TTLL10: variants seen among roughly 807,000 people sequenced by gnomAD.
TTLL10 encodes the protein tubulin tyrosine ligase like 10.
In TTLL10, 61 loss-of-function variants were observed where a neutral mutation model predicts 69.0. The ratio of observed to expected loss-of-function variants is 0.88; its 90% CI spans 0.72 to 1.09. The LOEUF (loss-of-function observed/expected upper bound fraction) is 1.09, where lower values mean the gene tolerates loss of function less well. Among genes scored for constraint, TTLL10 ranks in the 50% least tolerant of loss-of-function variants. TTLL10 has a pLI of 0.00. For missense variants in TTLL10, 962 were observed against 945.9 expected (o/e 1.02, Z -0.22); for synonymous variants, 408 against 393.3 (o/e 1.04, Z -0.44).
chr1:1,197,671 C>T lies in TTLL10; in HGVS notation c.1846C>T (p.Pro616Ser). 2 of 1,503,458 alleles carry T rather than the reference C, an allele frequency of 1.3e-6. No homozygotes were observed. The highest frequency in any genetic ancestry group is 1.8e-6 in the Non-Finnish European group (2 of 1,133,396). 93.1% of individuals were successfully genotyped at this position (1,503,458 alleles called of 1,614,324 possible). A position where few individuals can be genotyped will look rare whatever the true frequency, so the allele number is the denominator to read the frequency against. Residue 616 changes from proline to serine, a missense_variant, in exon 16 of 16, where the codon CCC (proline) becomes TCC (serine). By Grantham distance (74) the Pro-to-Ser change is moderately conservative. Transcript: ENST00000379289. ...QPGARRPAPPPLVPQRPRPPG... is the reference protein window; with the variant it reads ...QPGARRPAPPSLVPQRPRPPG... The stretch of plus-strand genomic sequence containing the variant: ...GGGCGCCCGCAGGCCTGCGCCACCT[C>T]CCTTGGTGCCGCAGCGTCCCCGGCC...
Position 1,181,637 on chromosome 1 carries a change from A to C in TTLL10, c.756-104A>C, listed in dbSNP as rs996195959. 1.9e-6 allele frequency: 2 copies of C among 1,060,518 alleles called. No homozygotes were observed. The highest frequency in any genetic ancestry group is 1.6e-5 in the African/African-American group (1 of 62,388). 65.7% of individuals were successfully genotyped at this position (1,060,518 alleles called of 1,614,324 possible). ...CAGCCACCTCCTTCCACCACAACTC[A>C]CAGTCCGCCCACTCACCACCCATGC... On this transcript the variant is annotated intron_variant, in intron 8 of 15. Transcript: ENST00000379289. The surrounding 1 kb of genome is among the most constrained non-coding windows in gnomAD (Gnocchi z 4.6).
chr1:1,183,985 C>CCT lies in TTLL10; in HGVS notation c.1155_1156dup (p.Cys386SerfsTer7). The stretch of plus-strand genomic sequence containing the variant: ...GACGTGCGCTCCTACCTGCTCATTG[C>CCT]CTGCACCACACCCTACATGATCTTC... On this transcript the variant is annotated frameshift_variant, in exon 12 of 16. Transcript: ENST00000379289. LOFTEE classifies it high-confidence loss of function. 1.2e-6 allele frequency: 2 copies of CCT among 1,614,238 alleles called. No individual in the cohort carries two copies. Among genetic ancestry groups the CCT allele is most frequent in the Non-Finnish European group, 1.7e-6 (2 of 1,180,036 alleles).
In TTLL10 at chr1:1,197,858, C is replaced by A. The variant is rs1238962448; in HGVS notation, c.*11C>A. On this transcript the variant is annotated 3_prime_UTR_variant, in exon 16 of 16. Coordinates refer to ENST00000379289, the MANE Select transcript of TTLL10 (RefSeq NM_001130045.2). ...AACGCGAGGCCCTAGGGGCAGCCAC[C>A]CGCGCCCAGCGCCCCGCGCCCCGCG... 14 of 1,435,210 alleles carry A rather than the reference C, an allele frequency of 9.8e-6. No homozygotes were observed. In the East Asian group the frequency reaches 4.0e-4, roughly 41 times the overall value. The allele number at this position is 1,435,210 out of a possible 1,614,324, so 88.9% of individuals were successfully genotyped here. A position where few individuals can be genotyped will look rare whatever the true frequency, so the allele number is the denominator to read the frequency against.
chr1:1,180,901 C>CCCTACG, intron 8 of TTLL10, 41 bp downstream of exon 8: 20 of 1,510,110 alleles, frequency 1.3e-5, no homozygotes, highest in Non-Finnish European at 1.7e-5. Context: ...CTGCGCCCGC[C>CCCTACG]CCTACGCCTG....
Position 1,180,563 on chromosome 1 carries a change from A to C in TTLL10, c.587A>C (p.Glu196Ala). The change falls in exon 7 of 16, where the codon GAG (glutamate) becomes GCG (alanine). Residue 196 changes from glutamate to alanine, a missense_variant. Coordinates refer to ENST00000379289, the MANE Select transcript of TTLL10 (RefSeq NM_001130045.2). ...GACGACTACACGCTGAAGTGGTGTGAGGTCAAGAGCCGAGACAGCTACGGC... is the reference window on the plus strand; with the variant it reads ...GACGACTACACGCTGAAGTGGTGTGCGGTCAAGAGCCGAGACAGCTACGGC... ...RRDDYTLKWC[E>A]VKSRDSYGSF... 3.9e-6 allele frequency: 6 copies of C among 1,551,886 alleles called. No individual in the cohort carries two copies. Among genetic ancestry groups the C allele is most frequent in the Non-Finnish European group, 5.2e-6 (6 of 1,147,406 alleles).
rs1647025140 is a variant in TTLL10, at chr1:1,180,601, G to A, written c.625G>A (p.Gly209Arg). Residue 209 changes from glycine (G) to arginine (R), a missense_variant and splice_region_variant, in exon 7 of 16, where the codon GGA (glycine) becomes AGA (arginine). Coordinates refer to ENST00000379289, the MANE Select transcript of TTLL10 (RefSeq NM_001130045.2). ...SRDSYGSFRE[G>R]EQLLYQLPNN... The stretch of plus-strand genomic sequence containing the variant: ...AGACAGCTACGGCAGCTTCCGGGAA[G>A]GTAGCGGGAGCCGGCACCAGAGGCG... 6.4e-7 allele frequency: 1 copy of A among 1,551,764 alleles called. No individual in the cohort carries two copies. Among genetic ancestry groups the A allele is most frequent in the Non-Finnish European group, 8.7e-7 (1 of 1,147,360 alleles).
At position 1,179,288 on chromosome 1, in the gene TTLL10, G is replaced by A. The variant is rs6668667; in HGVS notation, c.73G>A (p.Gly25Ser). 0.076 allele frequency: 117,915 copies of A among 1,551,162 alleles called. 4,969 individuals are homozygous for A. The highest frequency in any genetic ancestry group is 0.15 in the African/African-American group (10,962 of 73,148). ...PTRTRAGFKRGKRPRIQQRPR... is the reference protein window; with the variant it reads ...PTRTRAGFKRSKRPRIQQRPR... ...TCGGACCCGAGCCGGCTTCAAGAGG[G>A]GCAAGAGGCCAAGGATCCAGCAGAG... The change falls in exon 4 of 16, where the codon GGC becomes AGC. Residue 25 changes from glycine (G) to serine (S), a missense_variant. Transcript: ENST00000379289.
chr1:1,192,443 A>T (rs1021373385), intron 13 of TTLL10, among the ~76,000 whole-genome samples: 2 of 152,330 alleles, frequency 1.3e-5, no homozygotes, highest in East Asian at 3.9e-4. Flanking sequence ...GTATGAGTGT[A>T]GACACTCCAG....
rs930504944 is a variant in TTLL10, at chr1:1,183,022, G to A, written c.1063G>A (p.Gly355Arg). 3 of 1,608,932 alleles carry A rather than the reference G, an allele frequency of 1.9e-6. No individual in the cohort carries two copies. The highest frequency in any genetic ancestry group is 2.5e-6 in the Non-Finnish European group (3 of 1,178,180). ...CATCCACCACAAGACGCCGTTCCGG[G>A]GGCCTCAGGCGCGGGTGGTGCAGAG... is the stretch of plus-strand genomic sequence containing the variant. The part of the protein sequence containing the change: ...DPIHHKTPFR[G>R]PQARVVQRYI... Residue 355 changes from glycine (G) to arginine (R), a missense_variant, in exon 11 of 16, where the codon GGG becomes AGG. By Grantham distance (125) the Gly-to-Arg change is moderately radical. Coordinates refer to ENST00000379289, the MANE Select transcript of TTLL10 (RefSeq NM_001130045.2).
chr1:1,181,692 C>G lies in TTLL10; in HGVS notation c.756-49C>G, dbSNP rs987545773. 3 of 1,535,354 alleles carry G rather than the reference C, an allele frequency of 2.0e-6. No individual in the cohort carries two copies. The highest frequency in any genetic ancestry group is 2.6e-6 in the Non-Finnish European group (3 of 1,133,654). ...TCCCCCAGTCCCCACCCGCTCCAAGCACCATGAGCTGGCCCCTCAGTCCAG... is the reference window on the plus strand; with the variant it reads ...TCCCCCAGTCCCCACCCGCTCCAAGGACCATGAGCTGGCCCCTCAGTCCAG... On this transcript the variant is annotated intron_variant, in intron 8 of 15. Transcript: ENST00000379289. This position sits in a 1 kb window ranked among gnomAD's most constrained non-coding sequence, Gnocchi z 4.6.
At chr1:1,183,858 A>AG (rs1647156446) in intron 11 of TTLL10, 62 bp from the exon 12 acceptor site, 5 of 1,600,602 alleles carry the variant, frequency 3.1e-6, no homozygotes, top group Non-Finnish European at 4.3e-6. Context: ...GTGGGGTGTG[A>AG]GGGGATGCAG....
chr1:1,186,369 G>C (rs1053211215), intron 13 of TTLL10, among the ~76,000 whole-genome samples: 1 of 152,134 alleles, frequency 6.6e-6, no homozygotes, highest in African/African-American at 2.4e-5. Context: ...GATTACAGGC[G>C]TGAGCCACTG....
In TTLL10 at chr1:1,176,032, G is replaced by A. The variant is rs542237851; in HGVS notation, c.-28+1543G>A. The A allele has an allele frequency of 2.8e-3, 1,237 of 441,250 alleles. 19 individuals are homozygous for A. Among genetic ancestry groups the A allele is most frequent in the African/African-American group, 0.026 (1,120 of 43,768 alleles). The allele number at this position is 441,250 out of a possible 1,614,324, so 27.3% of individuals were successfully genotyped here. ...ACTGTGCAGGTGGAGAGAGGCTGACGCTGTGCAGGTGGAGAGGCTGACGCT... is the reference window on the plus strand; with the variant it reads ...ACTGTGCAGGTGGAGAGAGGCTGACACTGTGCAGGTGGAGAGGCTGACGCT... On this transcript the variant is annotated intron_variant, in intron 3 of 15. Coordinates refer to ENST00000379289, the MANE Select transcript of TTLL10 (RefSeq NM_001130045.2).
chr1:1,175,644 C>A (rs988875967), intron 3 of TTLL10: 4 of 451,704 alleles, frequency 8.9e-6, no homozygotes, highest in Non-Finnish European at 1.8e-5. Context: ...CACAGCCCTG[C>A]AGACTGCGCA....
intron 13 of TTLL10, among the ~76,000 whole-genome samples, chr1:1,196,058 G>A (rs1648183851): frequency 6.6e-6 from 1 of 152,234 alleles, no homozygotes; most frequent in African/African-American, 2.4e-5. Flanking sequence ...CTACAGGTGT[G>A]AGCCACGTGC....
rs751608175 is a variant in TTLL10 at position 1,179,767 on chromosome 1, G to GCC, written c.199+34_199+35dup. The GCC allele has an allele frequency of 8.5e-5, 130 of 1,528,666 alleles. No homozygotes were observed. The African/African-American group carries it at 1.7e-3, about 20-fold the overall frequency. The allele number at this position is 1,528,666 out of a possible 1,614,324, so 94.7% of individuals were successfully genotyped here. On this transcript the variant is annotated intron_variant, in intron 5 of 15. Transcript: ENST00000379289. Reference sequence around the variant, plus strand: ...GGAGGGTCGGAGGGGCGACCTCCCTGCCCCCTGCTCCAAGCTCCCCACCCC... The same window carrying GCC: ...GGAGGGTCGGAGGGGCGACCTCCCTGCCCCCCCTGCTCCAAGCTCCCCACCCC...
rs1001228786 is a variant in TTLL10, at chr1:1,174,470, C to T, written c.-47C>T. 2.6e-5 allele frequency: 4 copies of T among 152,412 alleles called. No homozygotes were observed. The highest frequency in any genetic ancestry group is 7.2e-5 in the African/African-American group (3 of 41,450). The allele number at this position is 152,412 out of a possible 1,614,324, so 9.4% of individuals were successfully genotyped here. A position where few individuals can be genotyped will look rare whatever the true frequency, so the allele number is the denominator to read the frequency against. ...ATCCTACCGGGGTGCCGTCTCCTGC[C>T]GGTCTTTTCATCTCACCAGGTAAAA... On this transcript the variant is annotated 5_prime_UTR_variant, in exon 3 of 16. Transcript: ENST00000379289.
chr1:1,181,914 A>G lies in TTLL10; in HGVS notation c.830+99A>G. On this transcript the variant is annotated intron_variant, in intron 9 of 15. Coordinates refer to ENST00000379289, the MANE Select transcript of TTLL10 (RefSeq NM_001130045.2). The surrounding 1 kb of genome is among the most constrained non-coding windows in gnomAD (Gnocchi z 4.6). ...GAAAGCGGGGCGGGGGTCCCACACA[A>G]AGGAAAACCACGAGCTAGAGTCAGA... The G allele has an allele frequency of 8.8e-7, 1 of 1,131,706 alleles. No individual in the cohort carries two copies. Among genetic ancestry groups the G allele is most frequent in the Non-Finnish European group, 1.3e-6 (1 of 780,736 alleles). 70.1% of individuals were successfully genotyped at this position (1,131,706 alleles called of 1,614,324 possible). A position where few individuals can be genotyped will look rare whatever the true frequency, so the allele number is the denominator to read the frequency against.
chr1:1,192,269 T>C (rs1243047338), intron 13 of TTLL10, among the ~76,000 whole-genome samples: 7 of 152,288 alleles, frequency 4.6e-5, no homozygotes, highest in Non-Finnish European at 1.0e-4. Context: ...GGTGTGTGTA[T>C]GTTTATGATT....
Sources: gnomAD v4.1 joint callset for allele counts (sites outside exome capture counted in the v4.1 genomes callset) on GRCh38, gnomAD v4.1.1 for gene constraint, Gnocchi (gnomAD v3.1) non-coding constraint, MANE v1.5 for transcripts, NCBI Gene and HGNC (gene_info 2026-07-23, HGNC 2026-07-21) for gene names.